The following NIBAN2 variants were observed in gnomAD, a reference collection of about 807,000 sequenced individuals.
The protein encoded by NIBAN2 is protein Niban 2.
In NIBAN2, 36 loss-of-function variants were observed where a neutral mutation model predicts 81.8. That is an observed-to-expected ratio of 0.44 (90% CI 0.34 to 0.58). NIBAN2 has a LOEUF of 0.58. NIBAN2 is among the 20% of genes least tolerant of loss of function. NIBAN2 has a pLI of 0.02. For synonymous variants in NIBAN2, 445 were observed against 441.6 expected, an observed-to-expected ratio of 1.01 and a Z score of -0.10; for missense variants, 897 against 1,014.1, an observed-to-expected ratio of 0.88 and a Z score of 1.57.
intron 1 of NIBAN2, among the ~76,000 whole-genome samples, chr9:127,548,676 G>A (rs1837517985): frequency 6.6e-6 from 1 of 152,146 alleles, no homozygotes; most frequent in African/African-American, 2.4e-5. Context: ...AATACCTCTA[G>A]GGTTTCAACA....
chr9:127,569,137 C>T (rs1252861550), upstream of NIBAN2: 97 of 949,864 alleles, frequency 1.0e-4, no homozygotes, highest in Non-Finnish European at 1.1e-4. Context: ...GACCACGCCC[C>T]CGCAGGCCAA....
At position 127,542,737 on chromosome 9, in the gene NIBAN2, T is replaced by C. The variant is rs917724346; in HGVS notation, c.56-10959A>G. 3.9e-5 allele frequency among the ~76,000 whole-genome samples: 6 copies of C among 152,308 alleles called. No individual in the cohort carries two copies. The East Asian group carries it at 1.2e-3, about 29-fold the overall frequency. ...CTGAGGCCAGTTTTGTTTTGTTTTGTTTTGAGACGGAGTCTGGCTCTGTTG... is the reference window on the plus strand; with the variant it reads ...CTGAGGCCAGTTTTGTTTTGTTTTGCTTTGAGACGGAGTCTGGCTCTGTTG... On this transcript the variant is annotated intron_variant, in intron 1 of 13. Coordinates refer to ENST00000373312, the MANE Select transcript of NIBAN2 (RefSeq NM_022833.4).
intron 8 of NIBAN2, among the ~76,000 whole-genome samples, chr9:127,515,196 G>C (rs951921929): frequency 2.0e-5 from 3 of 152,046 alleles, no homozygotes; most frequent in African/African-American, 7.2e-5. Flanking sequence ...CTCTCTACCT[G>C]GAAGACAGAG....
chr9:127,525,183 G>C lies in NIBAN2; in HGVS notation c.316-20C>G. ...ATAGGCCTGAGGGAGGCAAGAGAGAGGGTCCCTGAGGGTTAAGGTGCGGCC... is the reference window on the plus strand; with the variant it reads ...ATAGGCCTGAGGGAGGCAAGAGAGACGGTCCCTGAGGGTTAAGGTGCGGCC... On this transcript the variant is annotated intron_variant, in intron 3 of 13. Coordinates refer to ENST00000373312, the MANE Select transcript of NIBAN2 (RefSeq NM_022833.4). 6.3e-7 allele frequency: 1 copy of C among 1,595,604 alleles called. No homozygotes were observed. Among genetic ancestry groups the C allele is most frequent in the South Asian group, 1.1e-5 (1 of 90,694 alleles).
At chr9:127,518,530 G>A (rs539722188) in intron 5 of NIBAN2, among the ~76,000 whole-genome samples, 3 of 152,316 alleles carry the variant, frequency 2.0e-5, no homozygotes, top group East Asian at 1.9e-4. Flanking sequence ...AAACAGCCAC[G>A]GACCATCCAG....
intron 2 of NIBAN2, among the ~76,000 whole-genome samples, chr9:127,529,952 C>T (rs1027857546): frequency 1.3e-5 from 2 of 152,170 alleles, no homozygotes; most frequent in African/African-American, 4.8e-5. Flanking sequence ...AATAAATATG[C>T]ACTCCTGCCT....
chr9:127,523,168 T>TAAAA (rs1564301216), intron 5 of NIBAN2, among the ~76,000 whole-genome samples: 5 of 19,010 alleles, frequency 2.6e-4, no homozygotes, highest in Admixed American at 7.0e-4. Flanking sequence ...GTTGGTGGTT[T>TAAAA]TAAAAAAAAA....
intron 1 of NIBAN2, chr9:127,561,215 C>T: frequency 1.0e-6 from 1 of 985,418 alleles, no homozygotes; most frequent in African/African-American, 1.7e-5. Context: ...GGGTCCAGGG[C>T]CATAGGCTGG....
upstream of NIBAN2, chr9:127,569,181 G>T: frequency 1.6e-6 from 1 of 622,428 alleles, no homozygotes; most frequent in Non-Finnish European, 1.8e-6. Context: ...CCCTGCGCCC[G>T]CCGCGTCCCA....
At chr9:127,566,281 C>T (rs970729041) in intron 1 of NIBAN2, among the ~76,000 whole-genome samples, 5 of 152,164 alleles carry the variant, frequency 3.3e-5, no homozygotes, top group East Asian at 3.9e-4. Flanking sequence ...CCACCCACTT[C>T]GGTTCACAAC....
rs1297383788 is a variant in NIBAN2, at chr9:127,536,985, G to C, written c.56-5207C>G. 6.6e-6 allele frequency among the ~76,000 whole-genome samples: 1 copy of C among 152,218 alleles called. No homozygotes were observed. The highest frequency in any genetic ancestry group is 3.2e-3 in the Middle Eastern group (1 of 316). On this transcript the variant is annotated intron_variant, in intron 1 of 13. Transcript: ENST00000373312. This position sits in a 1 kb window ranked among gnomAD's most constrained non-coding sequence, Gnocchi z 4.0. ...CTGTGAGCTACAGAGAGGCTGGGGTGGGGTGGTGTGAAGGTGTGTGCCAGC... is the reference window on the plus strand; with the variant it reads ...CTGTGAGCTACAGAGAGGCTGGGGTCGGGTGGTGTGAAGGTGTGTGCCAGC...
chr9:127,541,607 AG>A (rs1315939745), intron 1 of NIBAN2, among the ~76,000 whole-genome samples: 1 of 151,980 alleles, frequency 6.6e-6, no homozygotes, highest in Non-Finnish European at 1.5e-5. Flanking sequence ...TGGGGGTGGG[AG>A]GGGTAATGAC....
chr9:127,578,612 G>T (rs1378789953), intron 1 of NIBAN2, among the ~76,000 whole-genome samples: 1 of 151,662 alleles, frequency 6.6e-6, no homozygotes, highest in Middle Eastern at 3.2e-3. Context: ...CAGTGAGAGT[G>T]AGGCGAGATC....
chr9:127,539,471 G>C (rs945094969), intron 1 of NIBAN2, among the ~76,000 whole-genome samples: 3 of 152,206 alleles, frequency 2.0e-5, no homozygotes, highest in Admixed American at 6.5e-5. Context: ...GCAGGTGTCA[G>C]AGCCGGGACT....
At chr9:127,544,021 C>T (rs1837427503) in intron 1 of NIBAN2, among the ~76,000 whole-genome samples, 2 of 151,894 alleles carry the variant, frequency 1.3e-5, no homozygotes, top group African/African-American at 2.4e-5. Flanking sequence ...GTGACTTTCC[C>T]GATACTACAC....
At chr9:127,530,635 T>C (rs539677841) in intron 2 of NIBAN2, among the ~76,000 whole-genome samples, 6 of 152,356 alleles carry the variant, frequency 3.9e-5, no homozygotes, top group African/African-American at 4.8e-5. Flanking sequence ...ATTTATATCA[T>C]AGCAGATCAT....
rs776879203 is a variant in NIBAN2, at chr9:127,507,016, G to A, written c.2070C>T (p.Ala690=). The A allele has an allele frequency of 1.3e-6, 2 of 1,591,654 alleles. No homozygotes were observed. Among genetic ancestry groups the A allele is most frequent in the African/African-American group, 2.7e-5 (2 of 74,456 alleles). The change falls in exon 14 of 14, where the codon GCC becomes GCT. Residue 690 remains alanine (A), a synonymous_variant. Transcript: ENST00000373312. The surrounding 1 kb of genome is among the most constrained non-coding windows in gnomAD (Gnocchi z 6.8). ...GGAGGGGTGAGGCAGGCGGCGAGGAGGCCTCGGGGGCGGCCTTAGGCTGGG... is the reference window on the plus strand; with the variant it reads ...GGAGGGGTGAGGCAGGCGGCGAGGAAGCCTCGGGGGCGGCCTTAGGCTGGG... ...ESPQPKAAPE[A]SSPPASPLQH...
chr9:127,519,174 CAAAAAAAA>C (rs398046914), intron 5 of NIBAN2, among the ~76,000 whole-genome samples: 17 of 39,312 alleles, frequency 4.3e-4, no homozygotes, highest in African/African-American at 9.1e-4. Flanking sequence ...GACTCTGTCT[CAAAAAAAA>C]AAAAAAAAAA....
At position 127,517,023 on chromosome 9, in the gene NIBAN2, T is replaced by C. The variant is rs779339316; in HGVS notation, c.811-4A>G. On this transcript the variant is annotated splice_polypyrimidine_tract_variant and splice_region_variant and intron_variant, in intron 7 of 13. Transcript: ENST00000373312. This position sits in a 1 kb window ranked among gnomAD's most constrained non-coding sequence, Gnocchi z 4.0. ...TGTGGTACACGGCGTCCGAGATCTG[T>C]GGGCAGAGCAGCTGAATTGGCACCA... The C allele has an allele frequency of 1.9e-6, 3 of 1,612,492 alleles. No homozygotes were observed. The highest frequency in any genetic ancestry group is 2.5e-6 in the Non-Finnish European group (3 of 1,179,060).
Sources: allele counts gnomAD v4.1 joint callset (sites outside exome capture counted in the v4.1 genomes callset), GRCh38; gene constraint gnomAD v4.1.1; non-coding constraint Gnocchi (gnomAD v3.1); transcripts MANE v1.5; gene names NCBI Gene and HGNC (gene_info 2026-07-23, HGNC 2026-07-21).